Variants in GADL1 observed in about 807,000 individuals in gnomAD.
The protein encoded by GADL1 is GAD like acidic amino acid decarboxylase 1.
In GADL1, 71 loss-of-function variants were observed where a neutral mutation model predicts 69.5. The ratio of observed to expected loss-of-function variants is 1.02; its 90% CI spans 0.84 to 1.25. The LOEUF (loss-of-function observed/expected upper bound fraction) is 1.25. GADL1 is among the 50% of genes most tolerant of loss of function. The pLI is 0.00. For synonymous variants in GADL1, 254 were observed against 214.4 expected, an observed-to-expected ratio of 1.18 and a Z score of -1.62; for missense variants, 737 against 631.8, an observed-to-expected ratio of 1.17 and a Z score of -1.79.
At chr3:30,886,808 G>GC (rs1316311323) in intron 1 of GADL1, among the ~76,000 whole-genome samples, 2 of 152,212 alleles carry the variant, frequency 1.3e-5, no homozygotes, top group East Asian at 3.9e-4. Flanking sequence ...CTGGCAGGCA[G>GC]CATAAGATAG....
chr3:30,818,975 G>T (rs1208666086), intron 11 of GADL1, among the ~76,000 whole-genome samples: 2 of 152,050 alleles, frequency 1.3e-5, no homozygotes, highest in African/African-American at 4.8e-5. Flanking sequence ...AGTTTTGGAT[G>T]ATCCTCCATA....
At chr3:30,813,880 G>A (rs1697408044) in intron 11 of GADL1, among the ~76,000 whole-genome samples, 1 of 152,188 alleles carries the variant, frequency 6.6e-6, no homozygotes, top group South Asian at 2.1e-4. Context: ...AGATGTAGTG[G>A]ACAATAGCAT....
At chr3:30,793,990 G>A (rs1696975560) in intron 12 of GADL1, among the ~76,000 whole-genome samples, 1 of 152,114 alleles carries the variant, frequency 6.6e-6, no homozygotes, top group African/African-American at 2.4e-5. Context: ...ACACCCACGT[G>A]CTCTATTCTA....
intron 7 of GADL1, 53 bp downstream of exon 7, chr3:30,844,334 C>G (rs1698019762): frequency 6.4e-7 from 1 of 1,551,258 alleles, no homozygotes; most frequent in Non-Finnish European, 8.9e-7. Flanking sequence ...GCTTTATAAA[C>G]CATATAAACT....
intron 6 of GADL1, among the ~76,000 whole-genome samples, chr3:30,849,411 A>G (rs1028907019): frequency 2.0e-5 from 3 of 152,174 alleles, no homozygotes; most frequent in Admixed American, 1.3e-4. Context: ...GGTTACTCAG[A>G]CAGTAAGTGA....
At chr3:30,882,071 T>A (rs941404809) in intron 1 of GADL1, among the ~76,000 whole-genome samples, 5 of 152,074 alleles carry the variant, frequency 3.3e-5, no homozygotes, top group African/African-American at 1.2e-4. Context: ...CAAAATAGAC[T>A]AAGACAGTTT....
intron 1 of GADL1, among the ~76,000 whole-genome samples, chr3:30,882,450 T>C: frequency 6.6e-6 from 1 of 152,008 alleles, no homozygotes; most frequent in South Asian, 2.1e-4. Flanking sequence ...TTTTTGTGAC[T>C]GACTTCACTC....
At chr3:30,857,666 C>T (rs186892483) in intron 2 of GADL1, among the ~76,000 whole-genome samples, 4 of 152,002 alleles carry the variant, frequency 2.6e-5, no homozygotes, top group Admixed American at 1.3e-4. Context: ...TAAGCCATGG[C>T]CATTCCTCTA....
intron 11 of GADL1, among the ~76,000 whole-genome samples, chr3:30,801,586 G>T (rs1697166487): frequency 6.6e-6 from 1 of 152,178 alleles, no homozygotes; most frequent in African/African-American, 2.4e-5. Context: ...CTATGGAAGA[G>T]GTAAACAAGA....
intron 11 of GADL1, among the ~76,000 whole-genome samples, chr3:30,807,939 G>GA (rs1697283886): frequency 6.8e-6 from 1 of 146,066 alleles, no homozygotes; most frequent in Non-Finnish European, 1.5e-5. Context: ...GGCTGAGGCA[G>GA]AAGAATCGTT....
intron 14 of GADL1, among the ~76,000 whole-genome samples, chr3:30,768,771 GTCTT>G (rs1251114631): frequency 1.3e-5 from 2 of 152,168 alleles, no homozygotes; most frequent in East Asian, 1.9e-4. Context: ...ACTTAGGTGA[GTCTT>G]TCTTGGTCTG....
intron 6 of GADL1, among the ~76,000 whole-genome samples, chr3:30,848,376 A>G (rs1045391482): frequency 1.6e-4 from 25 of 152,188 alleles, no homozygotes; most frequent in African/African-American, 6.0e-4. Context: ...GGAAAACATG[A>G]GAGTGGTCAT....
intron 3 of GADL1, among the ~76,000 whole-genome samples, chr3:30,855,405 A>G (rs1698214195): frequency 6.6e-6 from 1 of 151,994 alleles, no homozygotes; most frequent in Non-Finnish European, 1.5e-5. Flanking sequence ...TTCTCACTTC[A>G]TATACATTTC....
At chr3:30,855,209 C>T (rs965550493) in intron 3 of GADL1, among the ~76,000 whole-genome samples, 5 of 152,072 alleles carry the variant, frequency 3.3e-5, no homozygotes, top group Admixed American at 2.6e-4. Context: ...GAAGACACAT[C>T]GTAGAGCCCT....
At chr3:30,818,104 C>G (rs1017956917) in intron 11 of GADL1, among the ~76,000 whole-genome samples, 1 of 152,138 alleles carries the variant, frequency 6.6e-6, no homozygotes, top group Admixed American at 6.5e-5. Flanking sequence ...TACTTCCCCT[C>G]TCATCCATAG....
intron 1 of GADL1, among the ~76,000 whole-genome samples, chr3:30,893,964 AATG>A (rs1395492983): frequency 1.3e-5 from 2 of 152,326 alleles, no homozygotes; most frequent in African/African-American, 4.8e-5. Context: ...GAATAACAAT[AATG>A]ATAACCTTTC....
intron 6 of GADL1, among the ~76,000 whole-genome samples, chr3:30,848,444 A>G (rs746928953): frequency 5.9e-5 from 9 of 152,204 alleles, no homozygotes; most frequent in Non-Finnish European, 8.8e-5. Flanking sequence ...ATAAGAAACT[A>G]ACTTTTGTAT....
At chr3:30,887,118 A>G (rs1241881427) in intron 1 of GADL1, among the ~76,000 whole-genome samples, 2 of 152,136 alleles carry the variant, frequency 1.3e-5, no homozygotes, top group Admixed American at 1.3e-4. Context: ...TAGAGCCTGG[A>G]CTCCAACATG....
At chr3:30,848,767 A>T (rs972094023) in intron 6 of GADL1, among the ~76,000 whole-genome samples, 1 of 152,182 alleles carries the variant, frequency 6.6e-6, no homozygotes, top group Non-Finnish European at 1.5e-5. Context: ...TTAATATTTT[A>T]AAAAATCTAT....
Sources: allele counts gnomAD v4.1 joint callset (sites outside exome capture counted in the v4.1 genomes callset), GRCh38; gene constraint gnomAD v4.1.1; transcripts MANE v1.5; gene names NCBI Gene and HGNC (gene_info 2026-07-23, HGNC 2026-07-21).